Variants in DMD observed in about 807,000 individuals in gnomAD.
DMD encodes the protein mutant dystrophin.
DMD carries 63 observed loss-of-function variants against 330.1 expected under a neutral mutation model. The observed-to-expected ratio is 0.19, with a 90% confidence interval of 0.16 to 0.24. The LOEUF is 0.24. Among genes scored for constraint, DMD ranks in the 10% least tolerant of loss-of-function variants. The probability of loss-of-function intolerance (pLI) is 1.00; values close to 1 mark genes in which losing one functional copy is unlikely to be tolerated. For synonymous variants in DMD, 1,223 were observed against 959.8 expected, an observed-to-expected ratio of 1.27 and a Z score of -5.07; for missense variants, 3,344 against 2,684.1, an observed-to-expected ratio of 1.25 and a Z score of -5.43.
intron 49 of DMD, among the ~76,000 whole-genome samples, chrX:31,827,808 CT>C (rs2092924373): frequency 9.0e-6 from 1 of 111,704 alleles, no homozygotes; most frequent in African/African-American, 3.2e-5. Context: ...GAAATCTGCT[CT>C]TGAATGATTT....
chrX:32,824,277 A>G (rs1302220578), intron 4 of DMD, among the ~76,000 whole-genome samples: 1 of 111,391 alleles, frequency 9.0e-6, no homozygotes, highest in East Asian at 2.8e-4. Context: ...GGAAATGAAA[A>G]CACATGTGTA....
chrX:32,988,780 A>T (rs1442771015), intron 2 of DMD, among the ~76,000 whole-genome samples: 2 of 111,866 alleles, frequency 1.8e-5, no homozygotes, highest in Non-Finnish European at 3.8e-5. Context: ...CTCAACCAAT[A>T]GTTTTGGTTC....
intron 17 of DMD, among the ~76,000 whole-genome samples, chrX:32,527,057 T>C (rs1023825952): frequency 8.9e-6 from 1 of 111,980 alleles, no homozygotes; most frequent in Admixed American, 9.4e-5. Flanking sequence ...ATTTTACATA[T>C]TTAAACATCT....
At chrX:33,155,816 A>G (rs1003561022) in intron 1 of DMD, among the ~76,000 whole-genome samples, 3 of 111,082 alleles carry the variant, frequency 2.7e-5, no homozygotes, top group Non-Finnish European at 3.8e-5. Flanking sequence ...AAAAAAATTA[A>G]CCAGGCATGG....
At chrX:32,636,842 C>A (rs1448965993) in intron 11 of DMD, among the ~76,000 whole-genome samples, 3 of 109,245 alleles carry the variant, frequency 2.7e-5, no homozygotes, top group African/African-American at 6.7e-5. Flanking sequence ...ACTAAAAATA[C>A]AAAAAGTTAG....
intron 47 of DMD, among the ~76,000 whole-genome samples, chrX:31,890,197 A>G (rs2094222927): frequency 9.1e-6 from 1 of 109,772 alleles, no homozygotes; most frequent in Non-Finnish European, 1.9e-5. Flanking sequence ...CGTATCCTCA[A>G]ATTCAGAAGT....
intron 44 of DMD, among the ~76,000 whole-genome samples, chrX:32,177,894 A>G (rs1205662700): frequency 1.8e-5 from 2 of 111,296 alleles, no homozygotes; most frequent in African/African-American, 3.3e-5. Context: ...GAGCCAGATT[A>G]TAAATGCTTT....
chrX:31,181,579 C>T (rs1293585786), intron 68 of DMD, among the ~76,000 whole-genome samples: 2 of 111,427 alleles, frequency 1.8e-5, no homozygotes, highest in Non-Finnish European at 3.8e-5. Flanking sequence ...GCCAAGAAAC[C>T]GGGAAGGAAA....
At position 32,782,050 on chromosome X, in the gene DMD, A is replaced by T. The variant is rs760368955; in HGVS notation, c.649+27443T>A. On this transcript the variant is annotated intron_variant, in intron 7 of 78. Coordinates refer to ENST00000357033, the MANE Select transcript of DMD (RefSeq NM_004006.3). ...TAATCCTAGTTGCATTTAAATATGAAATAGTAACATGGTAATTTTTTAGAA... is the reference window on the plus strand; with the variant it reads ...TAATCCTAGTTGCATTTAAATATGATATAGTAACATGGTAATTTTTTAGAA... 8.0e-5 allele frequency among the ~76,000 whole-genome samples: 9 copies of T among 111,843 alleles called. No individual in the cohort carries two copies. In the East Asian group the frequency reaches 2.0e-3, roughly 25 times the overall value.
At chrX:31,965,542 T>A (rs1206850087) in intron 45 of DMD, among the ~76,000 whole-genome samples, 2 of 111,845 alleles carry the variant, frequency 1.8e-5, no homozygotes, top group Non-Finnish European at 3.8e-5. Flanking sequence ...GAATGCTTAA[T>A]TTCAGTTAGA....
In DMD at chrX:32,365,170, C is replaced by A. The variant is rs1407330001; in HGVS notation, c.4875G>T (p.Lys1625Asn). 1 of 1,208,832 alleles carries A rather than the reference C, an allele frequency of 8.3e-7. No individual in the cohort carries two copies. The highest frequency in any genetic ancestry group is 1.1e-6 in the Non-Finnish European group (1 of 894,826). Residue 1625 changes from lysine (K) to asparagine (N), a missense_variant, in exon 35 of 79, where the codon AAG becomes AAT. Coordinates refer to ENST00000357033, the MANE Select transcript of DMD (RefSeq NM_004006.3). ...CCTCTGTGATACTCTTCAGGTGCAC[C>A]TTCTGTTTCTCAATCTCTTTTTGAG... ...KATQKEIEKQ[K>N]VHLKSITEVG... is the part of the protein sequence containing the mutation.
chrX:31,864,979 GGTAA>G (rs1285787031), intron 48 of DMD, among the ~76,000 whole-genome samples: 3 of 112,146 alleles, frequency 2.7e-5, no homozygotes, highest in African/African-American at 6.5e-5. Flanking sequence ...GGTTAAAAAG[GGTAA>G]GTGAGTTAAA....
In DMD at chrX:31,119,316, T is replaced by C. The variant is rs1377078196; in HGVS notation, c.*2603A>G. ...CATATATTTGGTGAAGTCTGATATGTTGTGAAAATGCAGTAAAACTGAAGT... is the reference window on the plus strand; with the variant it reads ...CATATATTTGGTGAAGTCTGATATGCTGTGAAAATGCAGTAAAACTGAAGT... On this transcript the variant is annotated 3_prime_UTR_variant, in exon 79 of 79. Transcript: ENST00000357033. 1 of 112,280 alleles carries C rather than the reference T, an allele frequency of 8.9e-6. No individual in the cohort carries two copies. The highest frequency in any genetic ancestry group is 2.8e-4 in the East Asian group (1 of 3,605). The allele number at this position is 112,280 out of a possible 1,213,427, so 9.3% of individuals were successfully genotyped here. A position where few individuals can be genotyped will look rare whatever the true frequency, so the allele number is the denominator to read the frequency against.
intron 1 of DMD, among the ~76,000 whole-genome samples, chrX:33,031,146 C>A (rs2094103851): frequency 9.0e-6 from 1 of 111,121 alleles, no homozygotes; most frequent in South Asian, 3.8e-4. Flanking sequence ...TCACCACAAG[C>A]ATCCACATCT....
intron 2 of DMD, among the ~76,000 whole-genome samples, chrX:32,854,810 G>T (rs1053490939): frequency 2.7e-4 from 30 of 111,413 alleles, no homozygotes; most frequent in African/African-American, 9.5e-4. Flanking sequence ...AGAGGAGGAG[G>T]AAGTACTTCT....
intron 52 of DMD, among the ~76,000 whole-genome samples, chrX:31,729,135 G>A (rs1163013748): frequency 1.8e-5 from 2 of 111,863 alleles, no homozygotes; most frequent in East Asian, 2.8e-4. Flanking sequence ...ACCCTACTAC[G>A]GCATAAGGTA....
At chrX:32,736,139 T>C in intron 7 of DMD, among the ~76,000 whole-genome samples, 1 of 112,150 alleles carries the variant, frequency 8.9e-6, no homozygotes, top group East Asian at 2.8e-4. Context: ...AGAAGACATT[T>C]ATGCAGCCAA....
At chrX:31,365,903 A>C (rs17338486) in intron 60 of DMD, among the ~76,000 whole-genome samples, 35,348 of 111,664 alleles carry the variant, frequency 0.32, 4,132 homozygotes, top group East Asian at 0.61. Flanking sequence ...CCGATTAAAA[A>C]GGAACTCAAA....
At chrX:33,316,414 TAC>T (rs1181131704) in intron 1 of DMD, among the ~76,000 whole-genome samples, 2 of 111,362 alleles carry the variant, frequency 1.8e-5, no homozygotes, top group African/African-American at 6.5e-5. Flanking sequence ...CAGGTATACA[TAC>T]ACACACACAT....
Sources: gnomAD v4.1 joint callset for allele counts (sites outside exome capture counted in the v4.1 genomes callset) on GRCh38, gnomAD v4.1.1 for gene constraint, MANE v1.5 for transcripts, NCBI Gene and HGNC (gene_info 2026-07-23, HGNC 2026-07-21) for gene names.